The following BTRC variants were observed in gnomAD, a reference collection of about 807,000 sequenced individuals.
BTRC encodes the protein F-box/WD repeat-containing protein 1A.
BTRC carries 42 observed loss-of-function variants against 85.5 expected under a neutral mutation model. The observed-to-expected ratio is 0.49, with a 90% CI of 0.38 to 0.64. The LOEUF is 0.64. Among genes scored for constraint, BTRC ranks in the 30% least tolerant of loss-of-function variants. The pLI, the probability that BTRC is intolerant of heterozygous loss-of-function variation, is 0.00. For synonymous variants in BTRC, 255 were observed against 263.3 expected (o/e 0.97, Z 0.30); for missense variants, 594 against 743.5 (o/e 0.80, Z 2.34).
chr10:101,521,892 A>G, intron 5 of BTRC, 22 bp downstream of exon 5: 1 of 1,556,074 alleles, frequency 6.4e-7, no homozygotes, highest in Non-Finnish European at 8.9e-7. Context: ...AGTGTTTGTA[A>G]ACCATTAATT....
At chr10:101,435,522 A>G (rs1944505450) in intron 2 of BTRC, among the ~76,000 whole-genome samples, 1 of 152,212 alleles carries the variant, frequency 6.6e-6, no homozygotes, top group South Asian at 2.1e-4. Flanking sequence ...TGTTACGTAT[A>G]TCAGTAGTTC....
intron 3 of BTRC, among the ~76,000 whole-genome samples, chr10:101,465,345 C>T (rs766143176): frequency 4.6e-5 from 7 of 152,054 alleles, no homozygotes; most frequent in Admixed American, 3.9e-4. Context: ...TCAAAAATAG[C>T]GTTTTGCCAT....
chr10:101,465,481 C>A (rs1945349232), intron 3 of BTRC, among the ~76,000 whole-genome samples: 1 of 152,160 alleles, frequency 6.6e-6, no homozygotes, highest in African/African-American at 2.4e-5. Context: ...CTTACCAAAA[C>A]TCTTAACACA....
At chr10:101,384,773 G>A (rs1179316925) in intron 1 of BTRC, among the ~76,000 whole-genome samples, 1 of 152,170 alleles carries the variant, frequency 6.6e-6, no homozygotes, top group East Asian at 1.9e-4. Context: ...TTATTGAGAA[G>A]TAAAATACAT....
At position 101,460,493 on chromosome 10, in the gene BTRC, C is replaced by G. The variant is rs149225229; in HGVS notation, c.157-1488C>G. On this transcript the variant is annotated intron_variant, in intron 2 of 14. Transcript: ENST00000370187. The stretch of plus-strand genomic sequence containing the variant: ...TTCTTTGTAATATAGCATGCTTTTT[C>G]TTTAATTTTAGGGACTTTTACAAGG... Among the ~76,000 whole-genome samples the G allele has an allele frequency of 3.6e-3, 545 of 152,100 alleles. 1 individual carries two copies. Among genetic ancestry groups the G allele is most frequent in the Middle Eastern group, 0.014 (4 of 294 alleles).
At chr10:101,541,201 A>G (rs985864767) in intron 13 of BTRC, among the ~76,000 whole-genome samples, 2 of 151,094 alleles carry the variant, frequency 1.3e-5, no homozygotes, top group Non-Finnish European at 2.9e-5. Flanking sequence ...GGCGAAAGGC[A>G]TTCAGTCTTT....
At chr10:101,368,338 T>G (rs1259012850) in intron 1 of BTRC, among the ~76,000 whole-genome samples, 1 of 152,206 alleles carries the variant, frequency 6.6e-6, no homozygotes, top group East Asian at 1.9e-4. Context: ...CCATGCTTCT[T>G]GTACAGCCTG....
At chr10:101,511,720 C>T (rs1028979958) in intron 4 of BTRC, among the ~76,000 whole-genome samples, 1 of 152,148 alleles carries the variant, frequency 6.6e-6, no homozygotes, top group Admixed American at 6.5e-5. Flanking sequence ...CAGGATTTCG[C>T]TATGTATGCC....
chr10:101,549,715 A>AAAAAAAAAAAAC, intron 13 of BTRC, among the ~76,000 whole-genome samples: 1 of 134,398 alleles, frequency 7.4e-6, no homozygotes, highest in Non-Finnish European at 1.7e-5. Context: ...CTCTGTCTCA[A>AAAAAAAAAAAAC]AAAAAAAAAA....
chr10:101,365,910 ACTGGCCAGTGGG>A (rs1942360045), intron 1 of BTRC, among the ~76,000 whole-genome samples: 1 of 152,210 alleles, frequency 6.6e-6, no homozygotes, highest in Non-Finnish European at 1.5e-5. Context: ...TAGCAAGTGT[ACTGGCCAGTGGG>A]CTGACAGTGG....
chr10:101,470,572 C>T (rs942782462), intron 3 of BTRC, among the ~76,000 whole-genome samples: 1 of 152,012 alleles, frequency 6.6e-6, no homozygotes, highest in Non-Finnish European at 1.5e-5. Context: ...TCAGGTGATC[C>T]GACCGCCTCA....
intron 8 of BTRC, 118 bp from the exon 9 acceptor site, chr10:101,532,834 C>T: frequency 1.4e-6 from 1 of 730,902 alleles, no homozygotes. Context: ...ATAGAAAATG[C>T]ATTCCACACT....
chr10:101,416,423 C>G (rs1445082783), intron 1 of BTRC, among the ~76,000 whole-genome samples: 3 of 152,156 alleles, frequency 2.0e-5, no homozygotes, highest in African/African-American at 4.8e-5. Context: ...AATCATTCTT[C>G]ACAGGGTGTT....
At chr10:101,420,732 A>G (rs1944078864) in intron 1 of BTRC, among the ~76,000 whole-genome samples, 1 of 151,838 alleles carries the variant, frequency 6.6e-6, no homozygotes, top group Non-Finnish European at 1.5e-5. Context: ...TTGGACTCCA[A>G]AAGCCTGTTT....
intron 13 of BTRC, among the ~76,000 whole-genome samples, chr10:101,549,013 A>G (rs1315906240): frequency 6.6e-6 from 1 of 151,982 alleles, no homozygotes; most frequent in African/African-American, 2.4e-5. Flanking sequence ...AGATCGCGCC[A>G]CTGCACTCCA....
intron 2 of BTRC, among the ~76,000 whole-genome samples, chr10:101,461,615 A>G (rs1945227325): frequency 6.6e-6 from 1 of 152,204 alleles, no homozygotes; most frequent in African/African-American, 2.4e-5. Flanking sequence ...ATCTACTATA[A>G]TCGAGAGAAG....
Position 101,388,300 on chromosome 10 carries a change from T to G in BTRC, c.48+34072T>G, listed in dbSNP as rs1252158577. Among the ~76,000 whole-genome samples, 3 of 151,840 alleles carry G rather than the reference T, an allele frequency of 2.0e-5. No homozygotes were observed. In the East Asian group the frequency reaches 5.8e-4, roughly 29 times the overall value. Reference sequence around the variant, plus strand: ...CCTCAGCCTTCCAAGTAGCTAGGACTACAGGTAACACCACACCACACCCAG... The same window carrying G: ...CCTCAGCCTTCCAAGTAGCTAGGACGACAGGTAACACCACACCACACCCAG... On this transcript the variant is annotated intron_variant, in intron 1 of 14. Transcript: ENST00000370187.
intron 4 of BTRC, among the ~76,000 whole-genome samples, chr10:101,486,140 G>T (rs532462067): frequency 6.6e-6 from 1 of 152,166 alleles, no homozygotes; most frequent in Non-Finnish European, 1.5e-5. Context: ...TACTGCTAAC[G>T]CTCAGAGATC....
chr10:101,533,124 C>T, intron 9 of BTRC, 54 bp downstream of exon 9: 1 of 1,316,488 alleles, frequency 7.6e-7, no homozygotes, highest in Non-Finnish European at 1.1e-6. Context: ...CTGCTCTGTT[C>T]TTTGTCATAG....
Sources: gnomAD v4.1 joint callset for allele counts (sites outside exome capture counted in the v4.1 genomes callset) on GRCh38, gnomAD v4.1.1 for gene constraint, MANE v1.5 for transcripts, NCBI Gene and HGNC (gene_info 2026-07-23, HGNC 2026-07-21) for gene names.